MICAL2: variants seen among roughly 807,000 people sequenced by gnomAD.
MICAL2 encodes the protein microtubule associated monooxygenase, calponin and LIM domain containing 2.
A neutral mutation model predicts 127.3 loss-of-function variants in MICAL2; 77 were observed. The observed-to-expected ratio is 0.60, with a 90% CI of 0.50 to 0.73. The LOEUF (loss-of-function observed/expected upper bound fraction) is 0.73. MICAL2 is among the 30% of genes least tolerant of loss of function. The pLI is 0.00. For synonymous variants in MICAL2, 570 were observed against 551.1 expected (o/e 1.03, Z -0.48); for missense variants, 1,351 against 1,434.4 (o/e 0.94, Z 0.94).
chr11:12,252,766 C>G (rs1565256480), intron 22 of MICAL2: 1 of 152,210 alleles, frequency 6.6e-6, no homozygotes, highest in Non-Finnish European at 1.5e-5. Flanking sequence ...GAGGCTTTCT[C>G]TTATCAGTTT....
chr11:12,299,848 C>G (rs78167518), intron 29 of MICAL2, among the ~76,000 whole-genome samples: 161 of 152,202 alleles, frequency 1.1e-3, no homozygotes, highest in Non-Finnish European at 2.1e-3. Flanking sequence ...AACAAAGGTA[C>G]TTCTCATCTG....
intron 1 of MICAL2, among the ~76,000 whole-genome samples, chr11:12,116,239 A>T (rs1408304443): frequency 6.6e-6 from 1 of 151,198 alleles, no homozygotes; most frequent in Non-Finnish European, 1.5e-5. Context: ...CGGCCTCCCA[A>T]AGTGCTGGGA....
intron 15 of MICAL2, among the ~76,000 whole-genome samples, chr11:12,233,352 C>T (rs1432503674): frequency 6.6e-6 from 1 of 152,240 alleles, no homozygotes; most frequent in South Asian, 2.1e-4. Context: ...AGCTCTCTTG[C>T]TATCACTGGC....
At chr11:12,327,134 T>G in intron 31 of MICAL2, 1 of 1,529,994 alleles carries the variant, frequency 6.5e-7, no homozygotes, top group Non-Finnish European at 8.9e-7. Flanking sequence ...GGACTCTATG[T>G]GGAAAGTCCT....
chr11:12,341,641 A>G (rs923291298), intron 32 of MICAL2, among the ~76,000 whole-genome samples: 1 of 152,168 alleles, frequency 6.6e-6, no homozygotes, highest in African/African-American at 2.4e-5. Flanking sequence ...AGCCTGGCCA[A>G]CATGGTGAAA....
At chr11:12,169,930 A>G (rs1220805177) in intron 3 of MICAL2, among the ~76,000 whole-genome samples, 2 of 152,192 alleles carry the variant, frequency 1.3e-5, no homozygotes, top group Non-Finnish European at 2.9e-5. Context: ...GATGTTGCCT[A>G]CTTAGATTTC....
chr11:12,160,597 T>C (rs1854668994), intron 2 of MICAL2, among the ~76,000 whole-genome samples: 1 of 152,240 alleles, frequency 6.6e-6, no homozygotes, highest in African/African-American at 2.4e-5. Flanking sequence ...TGGCCTGGAA[T>C]GTCCACTGCC....
At chr11:12,330,881 GAC>G (rs150631981) in intron 32 of MICAL2, among the ~76,000 whole-genome samples, 1,853 of 133,528 alleles carry the variant, frequency 0.014, 21 homozygotes, top group Middle Eastern at 0.026. Flanking sequence ...GAGAGAGAGA[GAC>G]AGAGAGAGAG....
chr11:12,343,134 G>A (rs1255408417), intron 32 of MICAL2, among the ~76,000 whole-genome samples: 2 of 152,212 alleles, frequency 1.3e-5, no homozygotes, highest in African/African-American at 2.4e-5. Flanking sequence ...TAGGCTGGGC[G>A]CCGTGGCTCA....
In MICAL2 at chr11:12,256,947, G is replaced by A. The variant is rs61729668; in HGVS notation, c.3118G>A (p.Ala1040Thr). The part of the protein sequence containing the change: ...SICATTLRLA[A>T]YTFDCDEGKF... ...CTGTGCCACCACCTTGCGCCTGGCC[G>A]CCTACACCTTTGACTGCGATGAAGG... The change falls in exon 24 of 28, where the codon GCC (alanine) becomes ACC (threonine). Residue 1040 changes from alanine (A) to threonine (T), a missense_variant. By Grantham distance (58) the Ala-to-Thr change is moderately conservative. Coordinates refer to ENST00000683283, the MANE Select transcript of MICAL2 (RefSeq NM_001282663.2). The A allele has an allele frequency of 4.0e-4, 653 of 1,613,566 alleles. No homozygotes were observed. Among genetic ancestry groups the A allele is most frequent in the African/African-American group, 2.3e-3 (174 of 75,056 alleles).
At chr11:12,272,053 C>T (rs527748943), upstream of MICAL2, among the ~76,000 whole-genome samples, 13 of 152,310 alleles carry the variant, frequency 8.5e-5, no homozygotes, top group South Asian at 2.1e-4. Context: ...CTCCTGGAGC[C>T]CAGGGAGCCA....
At chr11:12,289,973 T>C (rs1476251517), downstream of MICAL2, among the ~76,000 whole-genome samples, 1 of 152,174 alleles carries the variant, frequency 6.6e-6, no homozygotes, top group East Asian at 1.9e-4. Flanking sequence ...AGTAACTTGC[T>C]CAGAGCCAGG....
At chr11:12,341,352 T>G (rs901932103) in intron 32 of MICAL2, among the ~76,000 whole-genome samples, 6 of 151,636 alleles carry the variant, frequency 4.0e-5, no homozygotes, top group Non-Finnish European at 7.4e-5. Context: ...TCAAAAGAGA[T>G]AGATAGTTAT....
intron 1 of MICAL2, chr11:12,121,697 G>A (rs1564986483): frequency 6.6e-6 from 1 of 152,266 alleles, no homozygotes; most frequent in Non-Finnish European, 1.5e-5. Context: ...TGGCCACAGG[G>A]AGGTGGATAA....
At position 12,270,318 on chromosome 11, in the gene MICAL2, G is replaced by A. The variant is rs113127826; in HGVS notation, c.3335-5668G>A. On this transcript the variant is annotated intron_variant, in intron 24 of 34. Coordinates refer to the MICAL2 transcript ENST00000646065. The stretch of plus-strand genomic sequence containing the variant: ...CTGGCTGGCTCTGTATTGAAAAGGC[G>A]TATCCCTTGCAAACTACATTTTCCA... 1.3e-3 allele frequency among the ~76,000 whole-genome samples: 191 copies of A among 152,260 alleles called. 1 individual carries two copies. Among genetic ancestry groups the A allele is most frequent in the African/African-American group, 4.3e-3 (180 of 41,554 alleles).
intron 26 of MICAL2, chr11:12,260,380 A>G: frequency 7.9e-7 from 1 of 1,271,458 alleles, no homozygotes; most frequent in Non-Finnish European, 9.9e-7. Context: ...GATATGAAGG[A>G]TCTTTTCTAT....
chr11:12,188,586 A>G (rs1858636948), intron 3 of MICAL2, among the ~76,000 whole-genome samples: 1 of 152,158 alleles, frequency 6.6e-6, no homozygotes, highest in Admixed American at 6.5e-5. Context: ...ACCCAGTTCT[A>G]TTGTATAGCA....
At chr11:12,208,357 T>C in intron 5 of MICAL2, 1 of 471,328 alleles carries the variant, frequency 2.1e-6, no homozygotes, top group Non-Finnish European at 3.8e-6. Context: ...CCATTAAACC[T>C]GTAATTTGGT....
At position 12,119,151 on chromosome 11, in the gene MICAL2, T is replaced by A. The variant is rs1050752892; in HGVS notation, c.-149+8425T>A. ...CTTCTCCGTTTCCCTGGGCTCTGGG[T>A]TCCCCCCTCCTCCCCTCGTGAACAG... On this transcript the variant is annotated intron_variant, in intron 1 of 27. Coordinates refer to ENST00000683283, the MANE Select transcript of MICAL2 (RefSeq NM_001282663.2). Among the ~76,000 whole-genome samples, 14 of 152,084 alleles carry A rather than the reference T, an allele frequency of 9.2e-5. 1 individual carries two copies. Among genetic ancestry groups the A allele is most frequent in the African/African-American group, 2.2e-4 (9 of 41,420 alleles).
Sources: gnomAD v4.1 joint callset for allele counts (sites outside exome capture counted in the v4.1 genomes callset) on GRCh38, gnomAD v4.1.1 for gene constraint, MANE v1.5 for transcripts, NCBI Gene and HGNC (gene_info 2026-07-23, HGNC 2026-07-21) for gene names.